ASIC2: variants seen among roughly 807,000 people sequenced by gnomAD.
The protein encoded by ASIC2 is acid sensing ion channel subunit 2.
Under a neutral mutation model 57.3 loss-of-function variants are expected in ASIC2, and 25 were observed. The ratio of observed to expected loss-of-function variants is 0.44; its 90% CI spans 0.32 to 0.61. The LOEUF is 0.61. ASIC2 is among the 20% of genes least tolerant of loss of function. The pLI, the probability that ASIC2 is intolerant of heterozygous loss-of-function variation, is 0.06. For synonymous variants in ASIC2, 319 were observed against 307.5 expected (o/e 1.04, Z -0.39); for missense variants, 641 against 738.1 (o/e 0.87, Z 1.52).
At chr17:33,753,395 G>A (rs752715299) in intron 1 of ASIC2, among the ~76,000 whole-genome samples, 2 of 152,164 alleles carry the variant, frequency 1.3e-5, no homozygotes, top group Non-Finnish European at 2.9e-5. Context: ...GTGGACACAC[G>A]TCATCATACA....
chr17:33,450,468 T>C (rs1912205504), intron 1 of ASIC2, among the ~76,000 whole-genome samples: 1 of 152,174 alleles, frequency 6.6e-6, no homozygotes, highest in African/African-American at 2.4e-5. Context: ...TGGTGGCCGA[T>C]GGCTAACTGA....
intron 1 of ASIC2, among the ~76,000 whole-genome samples, chr17:33,288,474 G>A (rs1048114104): frequency 1.3e-5 from 2 of 152,116 alleles, no homozygotes; most frequent in East Asian, 3.9e-4. Context: ...AGCAGGACCA[G>A]GTGGAGGGTC....
intron 1 of ASIC2, among the ~76,000 whole-genome samples, chr17:33,308,173 AAT>A (rs1233970837): frequency 6.6e-6 from 1 of 152,220 alleles, no homozygotes; most frequent in Non-Finnish European, 1.5e-5. Context: ...AAACTAAGCT[AAT>A]TAAGGAGAGT....
chr17:33,068,528 T>TCAAAA (rs59094832), intron 3 of ASIC2, among the ~76,000 whole-genome samples: 60,370 of 149,214 alleles, frequency 0.4, 12,372 homozygotes, highest in African/African-American at 0.44. Flanking sequence ...AAACTCCATC[T>TCAAAA]CAAAACAAAA....
At chr17:34,061,585 A>T (rs917363221) in intron 1 of ASIC2, among the ~76,000 whole-genome samples, 1 of 152,232 alleles carries the variant, frequency 6.6e-6, no homozygotes, top group East Asian at 1.9e-4. Flanking sequence ...GAACCACAGA[A>T]TGGATAAGAA....
intron 1 of ASIC2, among the ~76,000 whole-genome samples, chr17:33,604,796 AGGCTTTTCAAAGGTGG>A (rs1289504125): frequency 6.6e-6 from 1 of 152,112 alleles, no homozygotes; most frequent in Non-Finnish European, 1.5e-5. Context: ...CTTTGGTGTC[AGGCTTTTCAAAGGTGG>A]GGCTTCAGTG....
chr17:33,484,056 CA>C (rs1283271758), intron 1 of ASIC2, among the ~76,000 whole-genome samples: 1 of 152,172 alleles, frequency 6.6e-6, no homozygotes, highest in Non-Finnish European at 1.5e-5. Context: ...GGCAAAGAAA[CA>C]CATTCTCTTC....
rs1914044978 is a variant in ASIC2 at position 33,859,363 on chromosome 17, C to A, written c.555+296615G>T. On this transcript the variant is annotated intron_variant, in intron 1 of 9. Coordinates refer to the ASIC2 transcript ENST00000359872. Reference sequence around the variant, plus strand: ...TTCAACAAAGATTTGTTGAAAGAACCAGGAAAAGAAAGGAGGAAATGAGGA... The same window carrying A: ...TTCAACAAAGATTTGTTGAAAGAACAAGGAAAAGAAAGGAGGAAATGAGGA... Among the ~76,000 whole-genome samples, 5 of 151,854 alleles carry A rather than the reference C, an allele frequency of 3.3e-5. No individual in the cohort carries two copies. In the South Asian group the frequency reaches 1.0e-3, roughly 32 times the overall value.
At chr17:33,352,890 G>T (rs1022161901) in intron 1 of ASIC2, among the ~76,000 whole-genome samples, 4 of 152,028 alleles carry the variant, frequency 2.6e-5, no homozygotes, top group African/African-American at 9.7e-5. Context: ...CCCATGGTCT[G>T]TTGGGTGAAC....
intron 3 of ASIC2, among the ~76,000 whole-genome samples, chr17:33,083,475 A>G (rs2092121651): frequency 1.3e-5 from 2 of 152,328 alleles, no homozygotes; most frequent in South Asian, 4.1e-4. Context: ...GTGCTCAGGG[A>G]ATATTTGCTG....
At chr17:33,231,664 T>G (rs1217237308) in intron 1 of ASIC2, among the ~76,000 whole-genome samples, 1 of 152,128 alleles carries the variant, frequency 6.6e-6, no homozygotes, top group African/African-American at 2.4e-5. Context: ...GATGGGTCAC[T>G]GTGATCAGGG....
chr17:34,147,548 C>G (rs1912451782), intron 1 of ASIC2, among the ~76,000 whole-genome samples: 1 of 152,080 alleles, frequency 6.6e-6, no homozygotes, highest in Non-Finnish European at 1.5e-5. Context: ...CAAATAATAA[C>G]CATGTAGTAT....
chr17:33,686,628 T>C (rs1251980479), intron 1 of ASIC2, among the ~76,000 whole-genome samples: 1 of 152,300 alleles, frequency 6.6e-6, no homozygotes. Flanking sequence ...AGCAGCCTCA[T>C]GTAGGAAGAG....
intron 9 of ASIC2, among the ~76,000 whole-genome samples, chr17:33,014,906 C>T (rs1000258983): frequency 6.6e-6 from 1 of 152,102 alleles, no homozygotes; most frequent in Non-Finnish European, 1.5e-5. Flanking sequence ...GATGACAGCC[C>T]CCTGCAGTCT....
At chr17:33,298,695 C>G (rs1396006941) in intron 1 of ASIC2, among the ~76,000 whole-genome samples, 1 of 152,196 alleles carries the variant, frequency 6.6e-6, no homozygotes, top group African/African-American at 2.4e-5. Context: ...AATGGTTGAA[C>G]TAGTTTACAG....
chr17:33,850,796 T>G lies in ASIC2; in HGVS notation c.555+305182A>C, dbSNP rs145154647. 6.4e-4 allele frequency among the ~76,000 whole-genome samples: 98 copies of G among 152,100 alleles called. No homozygotes were observed. The East Asian group carries it at 0.013, about 20-fold the overall frequency. ...TGGCCAGATGAATTTGAGTTCCCTG[T>G]TTAGGTCATTCGGTCACTTAATTTC... is the stretch of plus-strand genomic sequence containing the variant. On this transcript the variant is annotated intron_variant, in intron 1 of 9. Transcript: ENST00000359872.
At chr17:33,554,908 AG>A (rs1482753006) in intron 1 of ASIC2, among the ~76,000 whole-genome samples, 1 of 152,180 alleles carries the variant, frequency 6.6e-6, no homozygotes, top group African/African-American at 2.4e-5. Flanking sequence ...CATAAATAAA[AG>A]GGAAGGAGCC....
At chr17:33,374,443 T>C (rs539040353) in intron 1 of ASIC2, among the ~76,000 whole-genome samples, 2 of 152,206 alleles carry the variant, frequency 1.3e-5, no homozygotes, top group South Asian at 2.1e-4. Context: ...TATGATTTCA[T>C]CCACAACCAA....
chr17:33,837,594 A>T (rs932314948), intron 1 of ASIC2, among the ~76,000 whole-genome samples: 18 of 152,126 alleles, frequency 1.2e-4, no homozygotes, highest in African/African-American at 4.1e-4. Context: ...TTTCTCCTAA[A>T]TGCCTCTCTA....
Sources: gnomAD v4.1 joint callset for allele counts (sites outside exome capture counted in the v4.1 genomes callset) on GRCh38, gnomAD v4.1.1 for gene constraint, MANE v1.5 for transcripts, NCBI Gene and HGNC (gene_info 2026-07-23, HGNC 2026-07-21) for gene names.